The following MDGA2 variants were observed in gnomAD, a reference collection of about 807,000 sequenced individuals.
MDGA2 encodes the protein MAM domain containing glycosylphosphatidylinositol anchor 2, also known as MAM domain-containing glycosylphosphatidylinositol anchor protein 2.
Under a neutral mutation model 117.8 loss-of-function variants are expected in MDGA2, and 40 were observed. The ratio of observed to expected loss-of-function variants is 0.34; its 90% CI spans 0.26 to 0.44. MDGA2 has a LOEUF of 0.44. Among genes scored for constraint, MDGA2 ranks in the 20% least tolerant of loss-of-function variants. The pLI, the probability that MDGA2 is intolerant of heterozygous loss-of-function variation, is 1.00. For missense variants in MDGA2, 1,123 were observed against 1,250.6 expected, an observed-to-expected ratio of 0.90 and a Z score of 1.54; for synonymous variants, 452 against 439.0, an observed-to-expected ratio of 1.03 and a Z score of -0.37.
intron 8 of MDGA2, among the ~76,000 whole-genome samples, chr14:46,994,449 GAC>G (rs1390454329): frequency 6.6e-6 from 1 of 151,926 alleles, no homozygotes; most frequent in Non-Finnish European, 1.5e-5. Context: ...TTTGCAGCTG[GAC>G]TAACTCCTGG....
intron 1 of MDGA2, among the ~76,000 whole-genome samples, chr14:47,450,939 G>A (rs1361551722): frequency 6.6e-6 from 1 of 152,106 alleles, no homozygotes. Flanking sequence ...GTATGGGGCA[G>A]GTGCTCTCAA....
At chr14:46,940,913 AG>A (rs1285015181) in intron 9 of MDGA2, among the ~76,000 whole-genome samples, 2 of 152,220 alleles carry the variant, frequency 1.3e-5, no homozygotes, top group Non-Finnish European at 2.9e-5. Flanking sequence ...AGAGAAGCCC[AG>A]AAGGTATGCT....
intron 8 of MDGA2, among the ~76,000 whole-genome samples, chr14:46,995,344 C>A (rs1011490488): frequency 2.0e-5 from 3 of 151,996 alleles, no homozygotes; most frequent in Non-Finnish European, 2.9e-5. Context: ...TAACAAGCTC[C>A]TAGATAGTAC....
chr14:46,848,249 T>C (rs1880920738), intron 15 of MDGA2, among the ~76,000 whole-genome samples: 2 of 151,962 alleles, frequency 1.3e-5, no homozygotes, highest in African/African-American at 2.4e-5. Flanking sequence ...CAAAACAAAA[T>C]TGCAGTACAT....
intron 6 of MDGA2, among the ~76,000 whole-genome samples, chr14:47,082,921 A>C (rs1890761104): frequency 6.6e-6 from 1 of 152,036 alleles, no homozygotes; most frequent in Admixed American, 6.5e-5. Flanking sequence ...AAAAAAATTA[A>C]ATAAGTGAAA....
chr14:47,159,836 G>C (rs1278120108), intron 3 of MDGA2, among the ~76,000 whole-genome samples: 2 of 151,972 alleles, frequency 1.3e-5, no homozygotes, highest in Admixed American at 1.3e-4. Flanking sequence ...AAAAATCTTT[G>C]TATATTATGG....
chr14:47,087,085 A>T (rs900570557), intron 6 of MDGA2, among the ~76,000 whole-genome samples: 31 of 152,116 alleles, frequency 2.0e-4, no homozygotes, highest in African/African-American at 7.0e-4. Flanking sequence ...CCAATACATA[A>T]TTTTTTAGAG....
At chr14:47,115,993 G>T (rs569689188) in intron 5 of MDGA2, among the ~76,000 whole-genome samples, 29 of 152,148 alleles carry the variant, frequency 1.9e-4, no homozygotes, top group African/African-American at 6.3e-4. Flanking sequence ...GAGTGAAACT[G>T]TCCCTGTTTG....
intron 1 of MDGA2, among the ~76,000 whole-genome samples, chr14:47,455,740 T>C (rs896878534): frequency 1.4e-5 from 2 of 145,514 alleles, no homozygotes; most frequent in Non-Finnish European, 3.0e-5. Flanking sequence ...CTCACGCCTG[T>C]AATCCCAGCA....
intron 2 of MDGA2, among the ~76,000 whole-genome samples, chr14:47,289,335 A>ACACG (rs1168586794): frequency 2.1e-5 from 3 of 144,462 alleles, no homozygotes; most frequent in East Asian, 4.0e-4. Context: ...ACACACACAC[A>ACACG]CACGCACACA....
chr14:47,506,918 C>T (rs939947912), intron 1 of MDGA2, among the ~76,000 whole-genome samples: 1 of 150,622 alleles, frequency 6.6e-6, no homozygotes, highest in Admixed American at 6.6e-5. Context: ...TGGATGCCAG[C>T]GTGAGTTTAG....
At chr14:47,137,411 C>G (rs1027696557) in intron 4 of MDGA2, among the ~76,000 whole-genome samples, 2 of 151,996 alleles carry the variant, frequency 1.3e-5, no homozygotes, top group African/African-American at 4.8e-5. Context: ...CGGGCAGACC[C>G]CTCATGAATA....
intron 2 of MDGA2, among the ~76,000 whole-genome samples, chr14:47,247,254 C>T (rs1475652598): frequency 6.7e-6 from 1 of 150,366 alleles, no homozygotes; most frequent in Non-Finnish European, 1.5e-5. Flanking sequence ...GGTGTGGAGA[C>T]AGAAATAAAA....
At chr14:46,921,105 C>A (rs1461665520) in intron 9 of MDGA2, among the ~76,000 whole-genome samples, 1 of 151,902 alleles carries the variant, frequency 6.6e-6, no homozygotes, top group Non-Finnish European at 1.5e-5. Context: ...TTTAATAATA[C>A]AACAATATTT....
chr14:47,135,773 T>C (rs1037962168), intron 4 of MDGA2, among the ~76,000 whole-genome samples: 9 of 152,264 alleles, frequency 5.9e-5, no homozygotes, highest in Middle Eastern at 3.4e-3. Context: ...CTCTTCATTC[T>C]CATCAAATTA....
At chr14:47,617,980 C>A (rs942841580) in intron 1 of MDGA2, among the ~76,000 whole-genome samples, 2 of 152,062 alleles carry the variant, frequency 1.3e-5, no homozygotes, top group African/African-American at 4.8e-5. Context: ...TCAATATAAG[C>A]TGAATCTGAG....
chr14:47,410,492 T>A (rs1483857763), intron 1 of MDGA2, among the ~76,000 whole-genome samples: 2 of 152,164 alleles, frequency 1.3e-5, no homozygotes, highest in Non-Finnish European at 2.9e-5. Flanking sequence ...TTCTTAAAGT[T>A]TGTCTTTGTA....
At chr14:47,448,779 C>A (rs964633645) in intron 1 of MDGA2, among the ~76,000 whole-genome samples, 16 of 152,232 alleles carry the variant, frequency 1.1e-4, no homozygotes, top group African/African-American at 3.6e-4. Flanking sequence ...GCTAGTTGGT[C>A]AAAAGTTTCA....
chr14:47,458,228 A>G (rs1366407804), intron 1 of MDGA2, among the ~76,000 whole-genome samples: 2 of 152,082 alleles, frequency 1.3e-5, no homozygotes, highest in African/African-American at 2.4e-5. Flanking sequence ...TCTCCTATTC[A>G]GTTGCCTTTT....
Sources: gnomAD v4.1 joint callset for allele counts (sites outside exome capture counted in the v4.1 genomes callset) on GRCh38, gnomAD v4.1.1 for gene constraint, MANE v1.5 for transcripts, NCBI Gene and HGNC (gene_info 2026-07-23, HGNC 2026-07-21) for gene names.